Variants in ADCY2 observed in about 807,000 individuals in gnomAD.
The protein encoded by ADCY2 is adenylate cyclase 2, also known as adenylate cyclase type 2.
A neutral mutation model predicts 125.2 loss-of-function variants in ADCY2; 31 were observed. The observed-to-expected ratio is 0.25, with a 90% CI of 0.19 to 0.33. The LOEUF (loss-of-function observed/expected upper bound fraction) is 0.33. Ranked by LOEUF, ADCY2 falls within the 10% of genes least tolerant of loss-of-function variation. The pLI is 1.00. For synonymous variants in ADCY2, 512 were observed against 548.4 expected (o/e 0.93, Z 0.93); for missense variants, 904 against 1,418.2 (o/e 0.64, Z 5.82).
At position 7,603,464 on chromosome 5, in the gene ADCY2, T is replaced by C. The variant is rs774962991; in HGVS notation, c.571-22703T>C. On this transcript the variant is annotated intron_variant, in intron 3 of 24. Coordinates refer to ENST00000338316, the MANE Select transcript of ADCY2 (RefSeq NM_020546.3). The stretch of plus-strand genomic sequence containing the variant: ...AGCTGTTGATGTAGTAAGCAATAAT[T>C]AACTCCCAGGTTGATAAATCACGTG... Among the ~76,000 whole-genome samples, 19 of 152,204 alleles carry C rather than the reference T, an allele frequency of 1.2e-4. 1 individual carries two copies. Among genetic ancestry groups the C allele is most frequent in the South Asian group, 4.1e-4 (2 of 4,828 alleles).
intron 3 of ADCY2, among the ~76,000 whole-genome samples, chr5:7,595,227 A>C (rs1168691909): frequency 6.6e-6 from 1 of 152,240 alleles, no homozygotes. Flanking sequence ...TAGAGTTACT[A>C]TTAAAGAATG....
intron 4 of ADCY2, among the ~76,000 whole-genome samples, chr5:7,664,768 C>G (rs1739656401): frequency 6.6e-6 from 1 of 152,162 alleles, no homozygotes; most frequent in South Asian, 2.1e-4. Flanking sequence ...AACTAAGAGA[C>G]AGGCACCCTT....
chr5:7,449,045 A>G (rs1356497529), intron 2 of ADCY2, among the ~76,000 whole-genome samples: 1 of 152,186 alleles, frequency 6.6e-6, no homozygotes, highest in Non-Finnish European at 1.5e-5. Flanking sequence ...ACCTCTGAGG[A>G]ATCACCACAC....
At chr5:7,777,644 G>A (rs566559458) in intron 18 of ADCY2, among the ~76,000 whole-genome samples, 1 of 152,318 alleles carries the variant, frequency 6.6e-6, no homozygotes, top group East Asian at 1.9e-4. Flanking sequence ...TCCTGCATGT[G>A]ACTTCGTCAT....
intron 4 of ADCY2, among the ~76,000 whole-genome samples, chr5:7,661,854 C>CAGATATG (rs1387636334): frequency 2.6e-5 from 4 of 152,124 alleles, no homozygotes; most frequent in Non-Finnish European, 5.9e-5. Flanking sequence ...TATCACTGTG[C>CAGATATG]AGATATGAGA....
At chr5:7,558,012 A>G in intron 3 of ADCY2, among the ~76,000 whole-genome samples, 1 of 150,634 alleles carries the variant, frequency 6.6e-6, no homozygotes, top group East Asian at 1.9e-4. Flanking sequence ...TTTCTCCACA[A>G]CCTCACCAGC....
intron 2 of ADCY2, among the ~76,000 whole-genome samples, chr5:7,517,120 T>C (rs1744278912): frequency 6.6e-6 from 1 of 152,138 alleles, no homozygotes; most frequent in Non-Finnish European, 1.5e-5. Flanking sequence ...CGTAGGAAGA[T>C]AGGCATGTCT....
chr5:7,442,444 T>C (rs1013479688), intron 2 of ADCY2, among the ~76,000 whole-genome samples: 2 of 152,146 alleles, frequency 1.3e-5, no homozygotes, highest in Non-Finnish European at 2.9e-5. Flanking sequence ...GGTTTAACTT[T>C]TAATTTTTGG....
chr5:7,780,360 A>G (rs918280123), intron 18 of ADCY2, among the ~76,000 whole-genome samples: 3 of 152,190 alleles, frequency 2.0e-5, no homozygotes, highest in Admixed American at 1.3e-4. Context: ...TGCTTTCTGC[A>G]TCGTTTGATA....
intron 20 of ADCY2, chr5:7,797,456 C>T (rs2126515417): frequency 6.6e-6 from 1 of 152,414 alleles, no homozygotes; most frequent in Admixed American, 6.5e-5. Context: ...ACGGCACCAA[C>T]TGCACTTTAT....
chr5:7,746,124 G>A (rs1027460734), intron 15 of ADCY2: 2 of 152,438 alleles, frequency 1.3e-5, no homozygotes, highest in African/African-American at 4.8e-5. Flanking sequence ...GGCCTCCACA[G>A]GCCACATGCT....
intron 2 of ADCY2, among the ~76,000 whole-genome samples, chr5:7,423,757 C>A (rs1019817429): frequency 7.2e-5 from 11 of 152,186 alleles, no homozygotes; most frequent in African/African-American, 2.4e-4. Context: ...TAGGCCTTCC[C>A]AGATCTGATC....
chr5:7,418,692 G>A (rs1740062084), intron 2 of ADCY2, among the ~76,000 whole-genome samples: 1 of 105,830 alleles, frequency 9.4e-6, no homozygotes, highest in African/African-American at 4.0e-5. Context: ...ATCTCACTCT[G>A]TCACCCAGGC....
intron 2 of ADCY2, among the ~76,000 whole-genome samples, chr5:7,470,158 T>G (rs1217565324): frequency 6.6e-6 from 1 of 151,880 alleles, no homozygotes; most frequent in East Asian, 1.9e-4. Flanking sequence ...TTTTATCATC[T>G]TATTGGTTTG....
chr5:7,767,412 GAA>G (rs372613601), intron 17 of ADCY2, among the ~76,000 whole-genome samples: 1 of 146,214 alleles, frequency 6.8e-6, no homozygotes, highest in African/African-American at 2.5e-5. Flanking sequence ...ATCGTTTGTG[GAA>G]AAAAAAAAAG....
intron 18 of ADCY2, among the ~76,000 whole-genome samples, chr5:7,783,629 G>A (rs1200707080): frequency 6.6e-6 from 1 of 152,152 alleles, no homozygotes. Flanking sequence ...GTGACGTGGT[G>A]TCCATGCACC....
intron 4 of ADCY2, among the ~76,000 whole-genome samples, chr5:7,675,553 C>T (rs1387551677): frequency 2.0e-5 from 3 of 152,148 alleles, no homozygotes; most frequent in African/African-American, 4.8e-5. Context: ...AGAGACTTTG[C>T]GCCCGTCGAG....
intron 2 of ADCY2, among the ~76,000 whole-genome samples, chr5:7,458,341 G>A (rs1741785070): frequency 6.6e-6 from 1 of 152,158 alleles, no homozygotes. Context: ...GAACAGTTTT[G>A]TAGAGTAATG....
At chr5:7,716,551 T>C (rs1015981977) in intron 11 of ADCY2, among the ~76,000 whole-genome samples, 1 of 152,238 alleles carries the variant, frequency 6.6e-6, no homozygotes, top group Non-Finnish European at 1.5e-5. Context: ...GACACATCTT[T>C]ACTATCCCAA....
Sources: gnomAD v4.1 joint callset for allele counts (sites outside exome capture counted in the v4.1 genomes callset) on GRCh38, gnomAD v4.1.1 for gene constraint, MANE v1.5 for transcripts, NCBI Gene and HGNC (gene_info 2026-07-23, HGNC 2026-07-21) for gene names.